The following HIPK2 variants were observed in gnomAD, a reference collection of about 807,000 sequenced individuals.
HIPK2 encodes homeodomain-interacting protein kinase 2.
In HIPK2, 27 loss-of-function variants were observed where a neutral mutation model predicts 113.7. That is an observed-to-expected ratio of 0.24 (90% CI 0.17 to 0.33). HIPK2 has a LOEUF of 0.33. HIPK2 is among the 10% of genes least tolerant of loss of function. HIPK2 has a pLI of 1.00. For missense variants in HIPK2, 1,257 were observed against 1,588.0 expected (o/e 0.79, Z 3.54); for synonymous variants, 631 against 642.2 (o/e 0.98, Z 0.26).
At chr7:139,705,419 C>G (rs1794861154) in intron 2 of HIPK2, among the ~76,000 whole-genome samples, 1 of 152,078 alleles carries the variant, frequency 6.6e-6, no homozygotes, top group South Asian at 2.1e-4. Flanking sequence ...CTATGTCGCC[C>G]AGGCTGGAGT....
At chr7:139,703,503 C>T (rs1794772146) in intron 2 of HIPK2, among the ~76,000 whole-genome samples, 1 of 152,042 alleles carries the variant, frequency 6.6e-6, no homozygotes, top group Non-Finnish European at 1.5e-5. Context: ...GTTTGTCCCT[C>T]ATGTTCTGGC....
rs143374467 is a variant in HIPK2 at position 139,765,275 on chromosome 7, T to C, written c.19+12330A>G. Among the ~76,000 whole-genome samples, 194 of 152,302 alleles carry C rather than the reference T, an allele frequency of 1.3e-3. 2 individuals carry two copies. In the East Asian group the frequency reaches 0.023, roughly 18 times the overall value. ...CATCTAGACAAACCTCAATGTTACA[T>C]AGAATTACACTGAGGAATAACTCAT... On this transcript the variant is annotated intron_variant, in intron 1 of 14. Coordinates refer to ENST00000406875, the MANE Select transcript of HIPK2 (RefSeq NM_022740.5).
intron 2 of HIPK2, among the ~76,000 whole-genome samples, chr7:139,662,707 C>T (rs1380618015): frequency 1.3e-5 from 2 of 151,602 alleles, no homozygotes; most frequent in Non-Finnish European, 2.9e-5. Context: ...GCAACCTCCA[C>T]CTCCTGGGTT....
chr7:139,773,937 C>T (rs1796695480), intron 1 of HIPK2, among the ~76,000 whole-genome samples: 1 of 152,172 alleles, frequency 6.6e-6, no homozygotes, highest in Admixed American at 6.5e-5. Context: ...CAGTTTATTT[C>T]CACATTTTTC....
At chr7:139,686,037 C>T (rs1794206963) in intron 2 of HIPK2, among the ~76,000 whole-genome samples, 1 of 152,206 alleles carries the variant, frequency 6.6e-6, no homozygotes, top group Non-Finnish European at 1.5e-5. Context: ...AATTGAAAGT[C>T]TTCTGGAAAG....
intron 14 of HIPK2, among the ~76,000 whole-genome samples, chr7:139,574,673 AC>A (rs1170665490): frequency 1.3e-5 from 2 of 150,708 alleles, no homozygotes; most frequent in East Asian, 1.9e-4. Context: ...ACCTCAACCC[AC>A]CCCCCTTCCT....
At chr7:139,771,831 G>A (rs1342533656) in intron 1 of HIPK2, among the ~76,000 whole-genome samples, 2 of 152,110 alleles carry the variant, frequency 1.3e-5, no homozygotes, top group South Asian at 2.1e-4. Flanking sequence ...AAGCTAAAGA[G>A]ACCCAGTTAT....
At chr7:139,679,427 G>C (rs927380363) in intron 2 of HIPK2, among the ~76,000 whole-genome samples, 1 of 152,008 alleles carries the variant, frequency 6.6e-6, no homozygotes. Context: ...ATTATGCTAA[G>C]AAGATGTGGG....
intron 1 of HIPK2, among the ~76,000 whole-genome samples, chr7:139,740,748 C>A (rs958621206): frequency 6.6e-6 from 1 of 152,222 alleles, no homozygotes; most frequent in Non-Finnish European, 1.5e-5. Context: ...AAGTCCACCA[C>A]CAATGCAACT....
At chr7:139,760,546 A>G (rs1796446048) in intron 1 of HIPK2, among the ~76,000 whole-genome samples, 2 of 152,200 alleles carry the variant, frequency 1.3e-5, no homozygotes, top group South Asian at 4.1e-4. Flanking sequence ...GAAGTATTAA[A>G]CTTTCCTCTG....
intron 2 of HIPK2, among the ~76,000 whole-genome samples, chr7:139,656,790 G>A (rs899599124): frequency 6.6e-6 from 1 of 152,084 alleles, no homozygotes; most frequent in Non-Finnish European, 1.5e-5. Flanking sequence ...CGACACTTCT[G>A]TGCATGTTGC....
intron 1 of HIPK2, among the ~76,000 whole-genome samples, chr7:139,735,734 A>G (rs939867598): frequency 1.3e-5 from 2 of 152,216 alleles, no homozygotes; most frequent in Admixed American, 1.3e-4. Flanking sequence ...TTTACACACG[A>G]GAGTGCACCC....
At chr7:139,746,952 A>T (rs564363024) in intron 1 of HIPK2, among the ~76,000 whole-genome samples, 45 of 152,160 alleles carry the variant, frequency 3.0e-4, no homozygotes, top group Non-Finnish European at 5.0e-4. Flanking sequence ...TTCTTTCTGA[A>T]ATCAGAATGA....
At chr7:139,624,626 C>T (rs949220977) in intron 6 of HIPK2, among the ~76,000 whole-genome samples, 5 of 152,288 alleles carry the variant, frequency 3.3e-5, no homozygotes, top group Middle Eastern at 3.4e-3. Flanking sequence ...TATGATAACC[C>T]TTCTCTGCAT....
At position 139,683,337 on chromosome 7, in the gene HIPK2, C is replaced by T. The variant is rs1304106330; in HGVS notation, c.1103+32595G>A. 6.6e-6 allele frequency among the ~76,000 whole-genome samples: 1 copy of T among 152,184 alleles called. No individual in the cohort carries two copies. The highest frequency in any genetic ancestry group is 1.5e-5 in the Non-Finnish European group (1 of 68,030). ...ACTTCATGGTTGCTCTAGGCCAGTG[C>T]TTCAGCAGCGGCCTAGCCGGGTCTG... On this transcript the variant is annotated intron_variant, in intron 2 of 14. Transcript: ENST00000406875. The surrounding 1 kb of genome is among the most constrained non-coding windows in gnomAD (Gnocchi z 4.2).
intron 2 of HIPK2, among the ~76,000 whole-genome samples, chr7:139,645,630 G>A (rs1248123976): frequency 6.6e-6 from 1 of 152,190 alleles, no homozygotes; most frequent in South Asian, 2.1e-4. Context: ...AGTACAGGAT[G>A]CGGCCTGACT....
At position 139,566,217 on chromosome 7, in the gene HIPK2, C is replaced by T. The variant is rs1406089523; in HGVS notation, c.*6710G>A. On this transcript the variant is annotated 3_prime_UTR_variant, in exon 15 of 15. Coordinates refer to ENST00000406875, the MANE Select transcript of HIPK2 (RefSeq NM_022740.5). This position sits in a 1 kb window ranked among gnomAD's most constrained non-coding sequence, Gnocchi z 4.1. Reference sequence around the variant, plus strand: ...GGCACAGGGTGATGCTGTGTAAAGGCCTTTCTTTGCTCAGACATGCAGGAG... The same window carrying T: ...GGCACAGGGTGATGCTGTGTAAAGGTCTTTCTTTGCTCAGACATGCAGGAG... 2.6e-5 allele frequency: 4 copies of T among 152,376 alleles called. No homozygotes were observed. In the South Asian group the frequency reaches 8.3e-4, roughly 32 times the overall value. The allele number at this position is 152,376 out of a possible 1,614,324, so 9.4% of individuals were successfully genotyped here.
rs536224448 is a variant in HIPK2, at chr7:139,592,959, C to T, written c.2717+3758G>A. 2.0e-5 allele frequency among the ~76,000 whole-genome samples: 3 copies of T among 152,290 alleles called. No individual in the cohort carries two copies. In the East Asian group the frequency reaches 5.8e-4, roughly 29 times the overall value. On this transcript the variant is annotated intron_variant, in intron 12 of 14. Coordinates refer to ENST00000406875, the MANE Select transcript of HIPK2 (RefSeq NM_022740.5). Reference sequence around the variant, plus strand: ...TACTTTAAAAAGAGCTGACTCCGCCCTTCTCAGTGCCATGGCTCCAGCACT... The same window carrying T: ...TACTTTAAAAAGAGCTGACTCCGCCTTTCTCAGTGCCATGGCTCCAGCACT...
At chr7:139,709,132 T>C (rs1794990869) in intron 2 of HIPK2, among the ~76,000 whole-genome samples, 1 of 152,184 alleles carries the variant, frequency 6.6e-6, no homozygotes, top group South Asian at 2.1e-4. Flanking sequence ...TGATTACTTC[T>C]CTTCAAAAGA....
Sources: allele counts gnomAD v4.1 joint callset (sites outside exome capture counted in the v4.1 genomes callset), GRCh38; gene constraint gnomAD v4.1.1; non-coding constraint Gnocchi (gnomAD v3.1); transcripts MANE v1.5; gene names NCBI Gene and HGNC (gene_info 2026-07-23, HGNC 2026-07-21).